PDE1A: variants seen among roughly 807,000 people sequenced by gnomAD.
PDE1A encodes the protein phosphodiesterase 1A, also known as dual specificity calcium/calmodulin-dependent 3',5'-cyclic nucleotide phosphodiesterase 1A.
Under a neutral mutation model 61.7 loss-of-function variants are expected in PDE1A, and 35 were observed. The ratio of observed to expected loss-of-function variants is 0.57; its 90% CI spans 0.43 to 0.75. The LOEUF (loss-of-function observed/expected upper bound fraction) is 0.75, where lower values mean the gene tolerates loss of function less well. PDE1A is among the 30% of genes least tolerant of loss of function. The pLI, the probability that PDE1A is intolerant of heterozygous loss-of-function variation, is 0.00. For synonymous variants in PDE1A, 232 were observed against 213.2 expected (o/e 1.09, Z -0.77); for missense variants, 597 against 630.6 (o/e 0.95, Z 0.57).
chr2:182,291,921 C>G (rs373909606), intron 1 of PDE1A, among the ~76,000 whole-genome samples: 1 of 151,868 alleles, frequency 6.6e-6, no homozygotes, highest in Non-Finnish European at 1.5e-5. Flanking sequence ...TTGTGTTTCC[C>G]CTCCCCTAAA....
the PDE1A span, among the ~76,000 whole-genome samples, chr2:182,631,115 C>A: frequency 2.6e-5 from 4 of 151,784 alleles, no homozygotes; most frequent in East Asian, 7.8e-4. Flanking sequence ...AGCTGGAGAC[C>A]CAAGAAAGTC....
chr2:182,256,060 T>C (rs1432305941), intron 2 of PDE1A, among the ~76,000 whole-genome samples: 65 of 78,024 alleles, frequency 8.3e-4, no homozygotes, highest in Admixed American at 1.5e-3. Context: ...TTTTTTTTTC[T>C]TGTTTATTTT....
intron 2 of PDE1A, among the ~76,000 whole-genome samples, chr2:182,495,733 T>A (rs1415681202): frequency 6.6e-6 from 1 of 152,154 alleles, no homozygotes; most frequent in Non-Finnish European, 1.5e-5. Context: ...TGATAGAATT[T>A]GAGTTTGAGA....
intron 2 of PDE1A, among the ~76,000 whole-genome samples, chr2:182,508,432 C>CAA (rs567525345): frequency 1.4e-5 from 2 of 142,254 alleles, no homozygotes; most frequent in Non-Finnish European, 3.1e-5. Context: ...ATGTGAAAAA[C>CAA]AAAAAAAAAA....
intron 2 of PDE1A, among the ~76,000 whole-genome samples, chr2:182,514,609 T>G (rs1690020551): frequency 6.6e-6 from 1 of 152,190 alleles, no homozygotes; most frequent in Non-Finnish European, 1.5e-5. Flanking sequence ...GATAACTGGC[T>G]AGTCATATGC....
chr2:182,452,786 T>C (rs558363844), intron 2 of PDE1A, among the ~76,000 whole-genome samples: 1 of 152,148 alleles, frequency 6.6e-6, no homozygotes, highest in South Asian at 2.1e-4. Flanking sequence ...CATTTAAGTC[T>C]GCTAAAGCCC....
chr2:182,560,935 C>A, the PDE1A span, among the ~76,000 whole-genome samples: 1 of 151,928 alleles, frequency 6.6e-6, no homozygotes, highest in Non-Finnish European at 1.5e-5. Context: ...TGTTTGAGTT[C>A]ATTGTAGATT....
At chr2:182,193,616 A>G (rs554620977) in intron 10 of PDE1A, among the ~76,000 whole-genome samples, 2 of 152,250 alleles carry the variant, frequency 1.3e-5, no homozygotes, top group South Asian at 4.1e-4. Flanking sequence ...TTACTTCTAC[A>G]AATGGGCCCT....
chr2:182,389,345 G>C (rs1379944388), intron 1 of PDE1A, among the ~76,000 whole-genome samples: 1 of 152,076 alleles, frequency 6.6e-6, no homozygotes, highest in Non-Finnish European at 1.5e-5. Context: ...TCTGAAAAGG[G>C]TGTTTTGAAT....
At chr2:182,192,849 C>A (rs1006577111) in intron 10 of PDE1A, among the ~76,000 whole-genome samples, 1 of 152,058 alleles carries the variant, frequency 6.6e-6, no homozygotes, top group African/African-American at 2.4e-5. Context: ...TTTTTAAATG[C>A]CTTCCTACCA....
chr2:182,626,304 A>C, the PDE1A span, among the ~76,000 whole-genome samples: 2 of 152,176 alleles, frequency 1.3e-5, no homozygotes, highest in Non-Finnish European at 2.9e-5. Flanking sequence ...ATAACACTCA[A>C]TTGAATCTGA....
intron 2 of PDE1A, among the ~76,000 whole-genome samples, chr2:182,453,239 A>G (rs1347391602): frequency 1.3e-5 from 2 of 152,032 alleles, no homozygotes; most frequent in Non-Finnish European, 1.5e-5. Context: ...TTTCGGCACT[A>G]TCGTTATTAG....
chr2:182,189,452 C>T (rs1262037757), intron 10 of PDE1A, among the ~76,000 whole-genome samples: 1 of 152,080 alleles, frequency 6.6e-6, no homozygotes, highest in African/African-American at 2.4e-5. Flanking sequence ...ATCAACAGAC[C>T]TTTACTATCA....
chr2:182,511,179 A>G (rs1485635934), intron 2 of PDE1A, among the ~76,000 whole-genome samples: 1 of 152,078 alleles, frequency 6.6e-6, no homozygotes, highest in African/African-American at 2.4e-5. Flanking sequence ...TGAAAAATCA[A>G]TCAAGAGGGA....
intron 4 of PDE1A, among the ~76,000 whole-genome samples, chr2:182,231,917 AAAAG>A (rs887931132): frequency 1.5e-4 from 23 of 152,300 alleles, no homozygotes; most frequent in African/African-American, 5.3e-4. Context: ...TCCATCTCCA[AAAAG>A]AAAGAAAGAA....
chr2:182,509,234 A>G (rs1689628944), intron 2 of PDE1A, among the ~76,000 whole-genome samples: 1 of 152,180 alleles, frequency 6.6e-6, no homozygotes, highest in Admixed American at 6.5e-5. Flanking sequence ...AAAACATCAA[A>G]TTCTCTTGTA....
At position 182,280,731 on chromosome 2, in the gene PDE1A, G is replaced by T. The variant is rs1387368526; in HGVS notation, c.54-16317C>A. 1.3e-5 allele frequency among the ~76,000 whole-genome samples: 2 copies of T among 151,508 alleles called. 1 individual carries two copies. The highest frequency in any genetic ancestry group is 4.2e-4 in the South Asian group (2 of 4,804). On this transcript the variant is annotated intron_variant, in intron 1 of 13. Coordinates refer to ENST00000351439, the Ensembl canonical transcript of PDE1A. ...CTTTTTTTCCTCTTTGATTTTGTGGGTTTATAAATTTTTATTTTCAATTTT... is the reference window on the plus strand; with the variant it reads ...CTTTTTTTCCTCTTTGATTTTGTGGTTTTATAAATTTTTATTTTCAATTTT...
intron 1 of PDE1A, among the ~76,000 whole-genome samples, chr2:182,348,603 T>A (rs943202774): frequency 6.6e-6 from 1 of 152,108 alleles, no homozygotes. Flanking sequence ...TCTATACATG[T>A]ATAGATTACA....
the PDE1A span, among the ~76,000 whole-genome samples, chr2:182,689,372 A>T: frequency 2.8e-4 from 43 of 152,154 alleles, no homozygotes; most frequent in African/African-American, 2.9e-4. Flanking sequence ...GGATTAAGAA[A>T]CTCACTCAAA....
Sources: allele counts gnomAD v4.1 joint callset (sites outside exome capture counted in the v4.1 genomes callset), GRCh38; gene constraint gnomAD v4.1.1; transcripts MANE v1.5; gene names NCBI Gene and HGNC (gene_info 2026-07-23, HGNC 2026-07-21).